Variants in TBCK observed in about 807,000 individuals in gnomAD.
TBCK encodes TBC1 domain containing kinase.
A neutral mutation model predicts 113.4 loss-of-function variants in TBCK; 99 were observed. That is an observed-to-expected ratio of 0.87 (90% CI 0.74 to 1.03). The LOEUF is 1.03. Ranked by LOEUF, TBCK falls within the 50% of genes least tolerant of loss-of-function variation. TBCK has a pLI of 0.00. For synonymous variants in TBCK, 369 were observed against 370.8 expected (o/e 1.00, Z 0.05); for missense variants, 1,045 against 1,061.3 (o/e 0.98, Z 0.21).
At chr4:106,273,719 C>G (rs1056978567) in intron 3 of TBCK, among the ~76,000 whole-genome samples, 11 of 152,154 alleles carry the variant, frequency 7.2e-5, no homozygotes, top group African/African-American at 2.4e-4. Context: ...GCCAAAGAAG[C>G]CAAGGAATGC....
intron 19 of TBCK, among the ~76,000 whole-genome samples, chr4:106,222,847 C>T (rs903749041): frequency 4.0e-5 from 6 of 151,888 alleles, no homozygotes; most frequent in Non-Finnish European, 8.8e-5. Flanking sequence ...AAACAAGCAC[C>T]AACTTTTATA....
intron 22 of TBCK, among the ~76,000 whole-genome samples, chr4:106,186,597 T>C (rs993930700): frequency 1.9e-4 from 29 of 152,128 alleles, no homozygotes; most frequent in African/African-American, 7.0e-4. Context: ...TTTTCCTTGT[T>C]GGTTTAAGTT....
chr4:106,059,685 C>A (rs1253090082), intron 25 of TBCK, among the ~76,000 whole-genome samples: 1 of 151,514 alleles, frequency 6.6e-6, no homozygotes, highest in Non-Finnish European at 1.5e-5. Context: ...CTCAAAATGG[C>A]CTTTGGTGTT....
chr4:106,271,220 G>T (rs1188818551), intron 3 of TBCK, among the ~76,000 whole-genome samples: 2 of 151,966 alleles, frequency 1.3e-5, no homozygotes, highest in African/African-American at 4.8e-5. Context: ...ACCAATTACA[G>T]CAAGCTTCAC....
intron 20 of TBCK, among the ~76,000 whole-genome samples, chr4:106,210,179 A>G (rs1238340078): frequency 6.6e-6 from 1 of 152,140 alleles, no homozygotes; most frequent in African/African-American, 2.4e-5. Flanking sequence ...AGACAGATTT[A>G]CTAATAGCCT....
chr4:106,284,296 C>G (rs1315614600), intron 3 of TBCK, among the ~76,000 whole-genome samples: 7 of 152,080 alleles, frequency 4.6e-5, no homozygotes, highest in Non-Finnish European at 8.8e-5. Context: ...ATTACTACAA[C>G]CTGTAGCTCA....
chr4:106,063,512 G>A (rs888624805), intron 25 of TBCK, among the ~76,000 whole-genome samples: 37 of 151,868 alleles, frequency 2.4e-4, no homozygotes, highest in African/African-American at 8.9e-4. Flanking sequence ...AAGTTATTTT[G>A]ACTCTTTTGA....
chr4:106,262,137 G>GT lies in TBCK; in HGVS notation c.341dup (p.His114GlnfsTer8). The stretch of plus-strand genomic sequence containing the variant: ...GGATATTATGAGGAGACAATGCCCT[G>GT]TGTACTATACCATGTTTGTTCATAT... On this transcript the variant is annotated frameshift_variant, in exon 4 of 26. Coordinates refer to ENST00000394708, the MANE Select transcript of TBCK (RefSeq NM_001163435.3). LOFTEE classifies it high-confidence loss of function. 1 of 1,546,992 alleles carries GT rather than the reference G, an allele frequency of 6.5e-7. No homozygotes were observed. The highest frequency in any genetic ancestry group is 8.7e-7 in the Non-Finnish European group (1 of 1,144,004).
chr4:106,073,053 A>G (rs1737680612), intron 25 of TBCK, among the ~76,000 whole-genome samples: 1 of 152,104 alleles, frequency 6.6e-6, no homozygotes, highest in Admixed American at 6.5e-5. Flanking sequence ...ATCCTCCTTT[A>G]GCTTGGAGAA....
chr4:106,256,881 T>C (rs1461720599), intron 5 of TBCK, among the ~76,000 whole-genome samples: 1 of 152,186 alleles, frequency 6.6e-6, no homozygotes, highest in Non-Finnish European at 1.5e-5. Flanking sequence ...GCTATACATG[T>C]TTGTTTTATA....
chr4:106,300,511 G>A (rs768058371), intron 2 of TBCK, among the ~76,000 whole-genome samples: 30 of 152,220 alleles, frequency 2.0e-4, no homozygotes, highest in Non-Finnish European at 3.1e-4. Flanking sequence ...AGTAAAAATC[G>A]AGACTAGCTC....
At chr4:106,209,167 C>CT (rs573100025) in intron 20 of TBCK, among the ~76,000 whole-genome samples, 3 of 152,136 alleles carry the variant, frequency 2.0e-5, no homozygotes, top group Non-Finnish European at 4.4e-5. Flanking sequence ...AATTGCAGAA[C>CT]TTTTTTACAA....
chr4:106,294,688 A>T (rs373649053), intron 3 of TBCK, among the ~76,000 whole-genome samples: 12 of 151,882 alleles, frequency 7.9e-5, no homozygotes, highest in African/African-American at 2.9e-4. Context: ...TCACCGTGTT[A>T]GCCAGGATGG....
chr4:106,303,908 C>T (rs1024082548), intron 2 of TBCK, among the ~76,000 whole-genome samples: 25 of 152,248 alleles, frequency 1.6e-4, no homozygotes, highest in African/African-American at 6.0e-4. Context: ...CCAAAAACTC[C>T]ACCCTCGGAT....
chr4:106,236,545 A>C (rs1307758847), intron 13 of TBCK, 26 bp from the exon 14 acceptor site: 3 of 1,338,460 alleles, frequency 2.2e-6, no homozygotes, highest in Non-Finnish European at 2.0e-6. Context: ...AAAGCAATAA[A>C]AAAAAAAAAT....
chr4:106,209,083 C>A (rs1159626747), intron 20 of TBCK, among the ~76,000 whole-genome samples: 2 of 152,174 alleles, frequency 1.3e-5, no homozygotes, highest in Non-Finnish European at 2.9e-5. Flanking sequence ...CCATGAAGAT[C>A]TCTGCTGGCA....
At chr4:106,107,104 G>A (rs2149543869) in intron 24 of TBCK, among the ~76,000 whole-genome samples, 1 of 152,006 alleles carries the variant, frequency 6.6e-6, no homozygotes, top group South Asian at 2.1e-4. Context: ...AAATATATAT[G>A]AACCCAATAC....
At chr4:106,222,898 G>A (rs566253486) in intron 19 of TBCK, among the ~76,000 whole-genome samples, 1 of 152,156 alleles carries the variant, frequency 6.6e-6, no homozygotes, top group South Asian at 2.1e-4. Context: ...AGAAAGGAAA[G>A]AGAAAAGTAA....
intron 3 of TBCK, among the ~76,000 whole-genome samples, chr4:106,290,322 C>T (rs576951894): frequency 3.3e-5 from 5 of 152,114 alleles, no homozygotes; most frequent in Non-Finnish European, 5.9e-5. Context: ...GGACTACAGG[C>T]GCCTGCCACC....
Sources: allele counts gnomAD v4.1 joint callset (sites outside exome capture counted in the v4.1 genomes callset), GRCh38; gene constraint gnomAD v4.1.1; transcripts MANE v1.5; gene names NCBI Gene and HGNC (gene_info 2026-07-23, HGNC 2026-07-21).